The following TTN variants were observed in gnomAD, a reference collection of about 807,000 sequenced individuals.
TTN encodes titin.
In TTN, 1,525 loss-of-function variants were observed where a neutral mutation model predicts 3,223.0. That is an observed-to-expected ratio of 0.47 (90% CI 0.45 to 0.49). The LOEUF (loss-of-function observed/expected upper bound fraction) is 0.49. TTN is among the 20% of genes least tolerant of loss of function. The probability of loss-of-function intolerance (pLI) is 0.00; values close to 1 mark genes in which losing one functional copy is unlikely to be tolerated. For synonymous variants in TTN, 14,094 were observed against 15,161.0 expected, an observed-to-expected ratio of 0.93 and a Z score of 5.17; for missense variants, 40,786 against 43,424.0, an observed-to-expected ratio of 0.94 and a Z score of 5.40.
In TTN at chr2:178,795,251, A is replaced by T; in HGVS notation, c.916T>A (p.Ser306Thr). 1.2e-6 allele frequency: 2 copies of T among 1,614,090 alleles called. No homozygotes were observed. Among genetic ancestry groups the T allele is most frequent in the Non-Finnish European group, 1.7e-6 (2 of 1,179,968 alleles). The change falls in exon 7 of 363, where the codon TCC becomes ACC. Residue 306 changes from serine to threonine, a missense_variant and splice_region_variant. By Grantham distance (58) the Ser-to-Thr change is moderately conservative. Transcript: ENST00000589042. The part of the protein sequence containing the change: ...VRAPTPSPVR[S>T]VSPAARISTS... ...GAGATTCTTGCTGCTGGAGACACGG[A>T]CCTGAAAACCAAAAGGCAGAGGTCA...
At position 178,560,714 on chromosome 2, in the gene TTN, C is replaced by A; in HGVS notation, c.85418G>T (p.Gly28473Val). The A allele has an allele frequency of 6.2e-7, 1 of 1,613,638 alleles. No homozygotes were observed. Among genetic ancestry groups the A allele is most frequent in the Non-Finnish European group, 8.5e-7 (1 of 1,179,776 alleles). The change falls in exon 326 of 363, where the codon GGA becomes GTA. Residue 28473 changes from glycine to valine, a missense_variant. Physicochemically the swap from Gly to Val is moderately radical, Grantham distance 109 (BLOSUM62 -3). Coordinates refer to ENST00000589042, the MANE Select transcript of TTN (RefSeq NM_001267550.2). ...TGCACCACCATCTTCTTGGGGACGTCCCCAGGAAAGAGAGCATTTCTCAGC... is the reference window on the plus strand; with the variant it reads ...TGCACCACCATCTTCTTGGGGACGTACCCAGGAAAGAGAGCATTTCTCAGC... Reference protein sequence around the residue: ...LTAEKCSLSWGRPQEDGGADI... With the variant: ...LTAEKCSLSWVRPQEDGGADI...
chr2:178,784,119 G>A lies in TTN; in HGVS notation c.2726C>T (p.Thr909Ile). The A allele has an allele frequency of 6.2e-7, 1 of 1,614,048 alleles. No individual in the cohort carries two copies. Among genetic ancestry groups the A allele is most frequent in the Non-Finnish European group, 8.5e-7 (1 of 1,180,012 alleles). The change falls in exon 16 of 363, where the codon ACC (threonine) becomes ATC (isoleucine). Residue 909 changes from threonine (T) to isoleucine (I), a missense_variant. Thr to Ile is a moderately conservative substitution (Grantham distance 89). Coordinates refer to ENST00000589042, the MANE Select transcript of TTN (RefSeq NM_001267550.2). ...TTCAAAGCGCTCTTCACGGACGGTG[G>A]TGCCAGTGATGCTCACCCCTACTTC... The part of the protein sequence containing the change: ...KKEVGVSITG[T>I]TVREERFEVL...
intron 149 of TTN, among the ~76,000 whole-genome samples, chr2:178,675,444 A>G (rs993140556): frequency 1.3e-5 from 2 of 151,176 alleles, no homozygotes; most frequent in Admixed American, 1.3e-4. Context: ...CTCTTTAAAG[A>G]TATATTTTTA....
Position 178,725,987 on chromosome 2 carries a change from T to A in TTN, c.20335A>T (p.Ser6779Cys), listed in dbSNP as rs149470241. Residue 6779 changes from serine (S) to cysteine (C), a missense_variant, in exon 70 of 363, where the codon AGT (serine) becomes TGT (cysteine). Coordinates refer to ENST00000589042, the MANE Select transcript of TTN (RefSeq NM_001267550.2). ...GTTCCCGAAAGTTCACATTCAAGAC[T>A]GACTTCAGCATTTTTAAGGGTTTCT... ...IVETLKNAEV[S>C]LECELSGTPP... 1.5e-3 allele frequency: 2,454 copies of A among 1,603,862 alleles called. 3 individuals carry two copies. Among genetic ancestry groups the A allele is most frequent in the Non-Finnish European group, 2.0e-3 (2,372 of 1,174,284 alleles).
Position 178,532,623 on chromosome 2 carries a change from G to A in TTN, c.103992C>T (p.Leu34664=). The A allele has an allele frequency of 1.9e-6, 3 of 1,613,946 alleles. No homozygotes were observed. The highest frequency in any genetic ancestry group is 2.5e-6 in the Non-Finnish European group (3 of 1,179,854). ...SLGDISDEEL[L]LPIDDYLAMK... The stretch of plus-strand genomic sequence containing the variant: ...TTGCTAAGTAGTCATCAATGGGGAG[G>A]AGTAATTCTTCATCAGAGATGTCCC... Residue 34664 remains leucine, a synonymous_variant, in exon 358 of 363, where the codon CTC becomes CTT. Transcript: ENST00000589042.
chr2:178,672,609 A>G, intron 153 of TTN, 26 bp downstream of exon 153: 1 of 1,611,178 alleles, frequency 6.2e-7, no homozygotes, highest in Admixed American at 1.7e-5. Context: ...CAGAAGAGGA[A>G]GTCAGGTTTA....
chr2:178,551,151 C>T lies in TTN; in HGVS notation c.91380G>A (p.Glu30460=). Residue 30460 remains glutamate (E), a synonymous_variant, in exon 336 of 363, where the codon GAG becomes GAA. Transcript: ENST00000589042. ...CCCAGCGTTCATTTCCTTGCCGTTT[C>T]TCAATGCTATAGCCCACAATCTTAC... ...GGSKIVGYSI[E]KRQGNERWVR... 1 of 1,613,558 alleles carries T rather than the reference C, an allele frequency of 6.2e-7. No homozygotes were observed. The highest frequency in any genetic ancestry group is 8.5e-7 in the Non-Finnish European group (1 of 1,179,662).
At chr2:178,529,288 C>A in intron 359 of TTN, 69 bp from the exon 360 acceptor site, 1 of 1,193,600 alleles carries the variant, frequency 8.4e-7, no homozygotes, top group South Asian at 2.0e-5. Context: ...CTTCTAGATT[C>A]TGCGTGTGAA....
rs768940034 is a variant in TTN at position 178,610,368 on chromosome 2, T to A, written c.51158A>T (p.Asp17053Val). ...CTTGGTAATGTCACTTGCTTTAATA[T>A]CTTTGCATGGTCCAGGTAGGCCTAT... ...KVIGLPGPCK[D>V]IKASDITKSS... The change falls in exon 271 of 363, where the codon GAT becomes GTT. Residue 17053 changes from aspartate (D) to valine (V), a missense_variant. Physicochemically the swap from Asp to Val is radical, Grantham distance 152. Transcript: ENST00000589042. 6.2e-7 allele frequency: 1 copy of A among 1,612,628 alleles called. No homozygotes were observed. The highest frequency in any genetic ancestry group is 8.5e-7 in the Non-Finnish European group (1 of 1,179,108).
chr2:178,651,416 C>T, intron 207 of TTN, 37 bp downstream of exon 207: 1 of 1,596,830 alleles, frequency 6.3e-7, no homozygotes, highest in Non-Finnish European at 8.5e-7. Context: ...CTGGGGGCTC[C>T]ATCCGCCCCC....
chr2:178,586,419 G>A (rs1392027786), intron 308 of TTN, 86 bp downstream of exon 308: 30 of 1,502,914 alleles, frequency 2.0e-5, no homozygotes, highest in Middle Eastern at 2.1e-4. Flanking sequence ...TCTAGAGCTA[G>A]ATTCCTCAGG....
Position 178,631,074 on chromosome 2 carries a change from G to A in TTN, c.43974C>T (p.Asp14658=). ...TTCCTGAGGTCTTATCTGTCCCACAGTCACAGGTGTACTGTCCAATATCTG... is the reference window on the plus strand; with the variant it reads ...TTCCTGAGGTCTTATCTGTCCCACAATCACAGGTGTACTGTCCAATATCTG... ...LKSDIGQYTC[D]CGTDKTSGKL... Residue 14658 remains aspartate, a synonymous_variant, in exon 237 of 363, where the codon GAC becomes GAT. Transcript: ENST00000589042. 4 of 1,613,304 alleles carry A rather than the reference G, an allele frequency of 2.5e-6. No individual in the cohort carries two copies. Among genetic ancestry groups the A allele is most frequent in the Non-Finnish European group, 3.4e-6 (4 of 1,179,600 alleles).
chr2:178,720,424 C>T lies in TTN; in HGVS notation c.23338G>A (p.Val7780Met). 6.2e-7 allele frequency: 1 copy of T among 1,613,558 alleles called. No individual in the cohort carries two copies. The highest frequency in any genetic ancestry group is 8.5e-7 in the Non-Finnish European group (1 of 1,179,616). Residue 7780 changes from valine (V) to methionine (M), a missense_variant, in exon 80 of 363, where the codon GTG becomes ATG. Val to Met is a conservative substitution (Grantham distance 21). Coordinates refer to ENST00000589042, the MANE Select transcript of TTN (RefSeq NM_001267550.2). The stretch of plus-strand genomic sequence containing the variant: ...GAGCAAGAACACGTGTCACTTCCCA[C>T]CTCATTAGTAGCTTTGCAGTGATAT... ...GEYHCKATNE[V>M]GSDTCSCSVK...
chr2:178,612,652 A>T, intron 265 of TTN, 76 bp from the exon 266 acceptor site: 1 of 1,543,552 alleles, frequency 6.5e-7, no homozygotes, highest in Non-Finnish European at 8.7e-7. Flanking sequence ...GCAGGCAGTC[A>T]TTAAGAAGTA....
intron 15 of TTN, 142 bp downstream of exon 15, chr2:178,785,478 G>C: frequency 8.1e-7 from 1 of 1,237,890 alleles, no homozygotes; most frequent in Middle Eastern, 2.7e-4. Flanking sequence ...AGGGTGTCTG[G>C]GCCCACTGTG....
Position 178,563,282 on chromosome 2 carries a change from C to T in TTN, c.82850G>A (p.Trp27617Ter), listed in dbSNP as rs1267288410. The change falls in exon 326 of 363, where the codon TGG (tryptophan) becomes TAG (stop). Residue 27617 changes from tryptophan (W) to a stop codon, truncating the protein, a stop_gained. Transcript: ENST00000589042. LOFTEE classifies it high-confidence loss of function. This position sits in a 1 kb window ranked among gnomAD's most constrained non-coding sequence, Gnocchi z 4.5. Reference sequence around the variant, plus strand: ...TCCTGTTGGTGGAGTGCAGGTTGTCCATTCATCCGCAGCAGCTTCTTTGAC... The same window carrying T: ...TCCTGTTGGTGGAGTGCAGGTTGTCTATTCATCCGCAGCAGCTTCTTTGAC... ...VEVKEAAADE[W>*]TTCTPPTGLQ... 6.2e-7 allele frequency: 1 copy of T among 1,613,470 alleles called. No homozygotes were observed. The highest frequency in any genetic ancestry group is 1.3e-5 in the African/African-American group (1 of 74,880).
intron 47 of TTN, chr2:178,746,042 C>CA: frequency 6.2e-7 from 1 of 1,613,430 alleles, no homozygotes; most frequent in Non-Finnish European, 8.5e-7. Flanking sequence ...CACAGCTCTG[C>CA]ACCTGTATGT....
Position 178,607,096 on chromosome 2 carries a change from G to T in TTN, c.53506C>A (p.Arg17836Ser), listed in dbSNP as rs376153809. ...GLLEGQEYKF[R>S]VIAKNKFGCG... The stretch of plus-strand genomic sequence containing the variant: ...CCAAACTTGTTCTTGGCAATAACAC[G>T]GAACTTATATTCTTGTCCCTCAAGC... The change falls in exon 278 of 363, where the codon CGT becomes AGT. Residue 17836 changes from arginine to serine, a missense_variant. By Grantham distance (110) the Arg-to-Ser change is moderately radical. Transcript: ENST00000589042. 1 of 1,612,292 alleles carries T rather than the reference G, an allele frequency of 6.2e-7. No individual in the cohort carries two copies. Among genetic ancestry groups the T allele is most frequent in the African/African-American group, 1.3e-5 (1 of 74,770 alleles).
At chr2:178,597,252 G>A (rs1375872237) in intron 294 of TTN, among the ~76,000 whole-genome samples, 1 of 152,076 alleles carries the variant, frequency 6.6e-6, no homozygotes, top group Non-Finnish European at 1.5e-5. Context: ...TTTGAGAATT[G>A]TGTACATGCA....
Sources: gnomAD v4.1 joint callset for allele counts (sites outside exome capture counted in the v4.1 genomes callset) on GRCh38, gnomAD v4.1.1 for gene constraint, Gnocchi (gnomAD v3.1) non-coding constraint, MANE v1.5 for transcripts, NCBI Gene and HGNC (gene_info 2026-07-23, HGNC 2026-07-21) for gene names.